GNAI1: variants seen among roughly 807,000 people sequenced by gnomAD.
GNAI1 encodes guanine nucleotide-binding protein G(i) subunit alpha-1.
GNAI1 carries 11 observed loss-of-function variants against 38.9 expected under a neutral mutation model. The observed-to-expected ratio is 0.28, with a 90% confidence interval of 0.18 to 0.47. The LOEUF is 0.47. GNAI1 is among the 20% of genes least tolerant of loss of function. The probability of loss-of-function intolerance (pLI) is 0.99; values close to 1 mark genes in which losing one functional copy is unlikely to be tolerated. For synonymous variants in GNAI1, 166 were observed against 145.1 expected (o/e 1.14, Z -1.04); for missense variants, 317 against 436.9 (o/e 0.73, Z 2.45).
chr7:80,172,796 C>T (rs1208647014), intron 1 of GNAI1, among the ~76,000 whole-genome samples: 1 of 152,140 alleles, frequency 6.6e-6, no homozygotes, highest in African/African-American at 2.4e-5. Context: ...CCTTAGTTTT[C>T]ACGAGGAAAA....
intron 3 of GNAI1, among the ~76,000 whole-genome samples, chr7:80,192,701 G>T (rs538562579): frequency 2.0e-4 from 30 of 151,816 alleles, no homozygotes; most frequent in Non-Finnish European, 4.0e-4. Flanking sequence ...TTTTTTTTCT[G>T]TTTGTTTTTT....
At chr7:80,178,680 T>C (rs1788237650) in intron 1 of GNAI1, among the ~76,000 whole-genome samples, 1 of 152,220 alleles carries the variant, frequency 6.6e-6, no homozygotes, top group Admixed American at 6.5e-5. Flanking sequence ...ATATAGACTA[T>C]GGTAGAGTGT....
rs1562820332 is a variant in GNAI1, at chr7:80,139,624, AT to A, written c.118+4348del. Among the ~76,000 whole-genome samples the A allele has an allele frequency of 2.0e-4, 31 of 152,326 alleles. No individual in the cohort carries two copies. The East Asian group carries it at 5.4e-3, about 27-fold the overall frequency. ...AATGGCTTCTTAATTATGTAAAATT[AT>A]TATCTTGCTGGAATATAAACTTTGT... On this transcript the variant is annotated intron_variant, in intron 1 of 7. Transcript: ENST00000649796.
chr7:80,175,297 A>G (rs1190567558), intron 1 of GNAI1, among the ~76,000 whole-genome samples: 1 of 152,180 alleles, frequency 6.6e-6, no homozygotes, highest in Non-Finnish European at 1.5e-5. Flanking sequence ...ACAAGACTGA[A>G]ATCCTTTTCT....
rs182255221 is a variant in GNAI1, at chr7:80,135,825, G to A, written c.118+547G>A. 5.1e-6 allele frequency: 5 copies of A among 984,952 alleles called. No individual in the cohort carries two copies. The Admixed American group carries it at 1.8e-4, about 36-fold the overall frequency. 61.0% of individuals were successfully genotyped at this position (984,952 alleles called of 1,614,324 possible). Reference sequence around the variant, plus strand: ...GTCTTTCCTGTTAACTTCCTATGGCGACTCCTTAAGTGGTCAAGGAGCGCT... The same window carrying A: ...GTCTTTCCTGTTAACTTCCTATGGCAACTCCTTAAGTGGTCAAGGAGCGCT... On this transcript the variant is annotated intron_variant, in intron 1 of 7. Coordinates refer to ENST00000649796, the MANE Select transcript of GNAI1 (RefSeq NM_002069.6).
At chr7:80,212,928 CT>C (rs1788899034) in intron 7 of GNAI1, 59 bp downstream of exon 7, 1 of 1,110,128 alleles carries the variant, frequency 9.0e-7, no homozygotes, top group Non-Finnish European at 1.3e-6. Flanking sequence ...GAAACTTCCC[CT>C]AAGGCAAGAA....
chr7:80,148,178 C>T (rs1313585322), intron 1 of GNAI1, among the ~76,000 whole-genome samples: 1 of 152,136 alleles, frequency 6.6e-6, no homozygotes, highest in Non-Finnish European at 1.5e-5. Context: ...TTGCCAAAAA[C>T]TATTTCAGAC....
At chr7:80,199,624 T>C (rs1325521071) in intron 4 of GNAI1, among the ~76,000 whole-genome samples, 2 of 152,156 alleles carry the variant, frequency 1.3e-5, no homozygotes, top group African/African-American at 4.8e-5. Context: ...AATTGAAACA[T>C]GGAGAATGGT....
In GNAI1 at chr7:80,175,364, ATG is replaced by A. The variant is rs71518972; in HGVS notation, c.119-13567_119-13566del. ...TTAAAAAATATATATGTGTATATTT[ATG>A]TGTGTGTGTGTGTGTGTGTATAAAA... On this transcript the variant is annotated intron_variant, in intron 1 of 7. Coordinates refer to ENST00000649796, the MANE Select transcript of GNAI1 (RefSeq NM_002069.6). Among the ~76,000 whole-genome samples, 1,171 of 150,412 alleles carry A rather than the reference ATG, an allele frequency of 7.8e-3. 16 individuals are homozygous for A. The highest frequency in any genetic ancestry group is 0.027 in the African/African-American group (1,099 of 40,998).
At chr7:80,163,301 G>A (rs1584019605) in intron 1 of GNAI1, among the ~76,000 whole-genome samples, 1 of 152,100 alleles carries the variant, frequency 6.6e-6, no homozygotes, top group Non-Finnish European at 1.5e-5. Flanking sequence ...CATACTACTA[G>A]CCCTTCTGTG....
intron 1 of GNAI1, among the ~76,000 whole-genome samples, chr7:80,165,172 T>C (rs1042154440): frequency 6.6e-6 from 1 of 152,198 alleles, no homozygotes; most frequent in African/African-American, 2.4e-5. Flanking sequence ...AGGGACTTTT[T>C]GGTAGAAGTT....
chr7:80,220,745 G>A lies in GNAI1; in HGVS notation c.*3252G>A, dbSNP rs1353950860. Among the ~76,000 whole-genome samples the A allele has an allele frequency of 1.3e-5, 2 of 152,120 alleles. No individual in the cohort carries two copies. The highest frequency in any genetic ancestry group is 2.9e-5 in the Non-Finnish European group (2 of 68,010). On this transcript the variant is annotated 3_prime_UTR_variant, in exon 8 of 8. Transcript: ENST00000649796. The stretch of plus-strand genomic sequence containing the variant: ...CTAGAGATCAAAAAAGGCTTAAAGA[G>A]GTTAATTAACTTGAGCAAGACCAGA...
chr7:80,217,161 A>G, intron 7 of GNAI1, 142 bp from the exon 8 acceptor site: 1 of 245,550 alleles, frequency 4.1e-6, no homozygotes, highest in Non-Finnish European at 7.3e-6. Flanking sequence ...CTCCCATTCT[A>G]GAAGGGAAAG....
chr7:80,135,053 C>G lies in GNAI1; in HGVS notation c.-108C>G. ...GAAGTGGTGGGGGCGGCGTGGCCCCCGTCGGGAGGCGTTCGAACGCCCGCT... is the reference window on the plus strand; with the variant it reads ...GAAGTGGTGGGGGCGGCGTGGCCCCGGTCGGGAGGCGTTCGAACGCCCGCT... On this transcript the variant is annotated 5_prime_UTR_variant, in exon 1 of 8. Transcript: ENST00000649796. The G allele has an allele frequency of 1.7e-6, 1 of 594,374 alleles. No individual in the cohort carries two copies. Among genetic ancestry groups the G allele is most frequent in the South Asian group, 5.2e-5 (1 of 19,100 alleles). The allele number at this position is 594,374 out of a possible 1,614,324, so 36.8% of individuals were successfully genotyped here.
At chr7:80,215,527 A>C (rs1788943873) in intron 7 of GNAI1, among the ~76,000 whole-genome samples, 1 of 152,212 alleles carries the variant, frequency 6.6e-6, no homozygotes, top group African/African-American at 2.4e-5. Context: ...ATCCCTAATA[A>C]AAATCTCATA....
intron 1 of GNAI1, among the ~76,000 whole-genome samples, chr7:80,186,095 C>G (rs189699730): frequency 7.7e-4 from 107 of 139,800 alleles, no homozygotes; most frequent in African/African-American, 2.9e-3. Context: ...TGCAGCGGCA[C>G]AATCTCCGTT....
chr7:80,152,305 G>T (rs1221353254), intron 1 of GNAI1, among the ~76,000 whole-genome samples: 1 of 152,076 alleles, frequency 6.6e-6, no homozygotes, highest in East Asian at 1.9e-4. Context: ...GGGAGAAAGG[G>T]CCTGGTCAAA....
Position 80,134,875 on chromosome 7 carries a change from G to T in GNAI1, c.-286G>T, listed in dbSNP as rs1364343017. The T allele has an allele frequency of 7.8e-6, 2 of 257,652 alleles. No individual in the cohort carries two copies. The highest frequency in any genetic ancestry group is 7.0e-5 in the East Asian group (1 of 14,350). The allele number at this position is 257,652 out of a possible 1,614,324, so 16.0% of individuals were successfully genotyped here. A position where few individuals can be genotyped will look rare whatever the true frequency, so the allele number is the denominator to read the frequency against. On this transcript the variant is annotated 5_prime_UTR_variant, in exon 1 of 8. Coordinates refer to ENST00000649796, the MANE Select transcript of GNAI1 (RefSeq NM_002069.6). ...GAGGCTGCGGCGCGGCCACCGGCGGGAGTGCAGCGGCCACTGTACCCAGAG... is the reference window on the plus strand; with the variant it reads ...GAGGCTGCGGCGCGGCCACCGGCGGTAGTGCAGCGGCCACTGTACCCAGAG...
intron 1 of GNAI1, among the ~76,000 whole-genome samples, chr7:80,163,838 A>G (rs892534206): frequency 3.3e-5 from 5 of 152,140 alleles, no homozygotes; most frequent in African/African-American, 1.2e-4. Flanking sequence ...TTGTAAAAGC[A>G]TCACTGAGAT....
Sources: allele counts gnomAD v4.1 joint callset (sites outside exome capture counted in the v4.1 genomes callset), GRCh38; gene constraint gnomAD v4.1.1; transcripts MANE v1.5; gene names NCBI Gene and HGNC (gene_info 2026-07-23, HGNC 2026-07-21).